DLGAP2: variants seen among roughly 807,000 people sequenced by gnomAD.
DLGAP2 encodes the protein DLG associated protein 2.
DLGAP2 carries 26 observed loss-of-function variants against 100.3 expected under a neutral mutation model. That is an observed-to-expected ratio of 0.26 (90% CI 0.19 to 0.36). The LOEUF is 0.36. Among genes scored for constraint, DLGAP2 ranks in the 10% least tolerant of loss-of-function variants. The pLI, the probability that DLGAP2 is intolerant of heterozygous loss-of-function variation, is 1.00. For synonymous variants in DLGAP2, 886 were observed against 630.1 expected (o/e 1.41, Z -6.08); for missense variants, 1,858 against 1,453.2 (o/e 1.28, Z -4.53).
At chr8:1,496,667 GC>G (rs1468742686) in intron 3 of DLGAP2, among the ~76,000 whole-genome samples, 2 of 152,178 alleles carry the variant, frequency 1.3e-5, no homozygotes, top group African/African-American at 4.8e-5. Flanking sequence ...ACCCCTCTGG[GC>G]CACAGGGGAG....
In DLGAP2 at chr8:1,470,492, C is replaced by T. The variant is rs187346237; in HGVS notation, c.107-30874C>T. On this transcript the variant is annotated intron_variant, in intron 3 of 14. Transcript: ENST00000637795. ...CCCGCCACCTGCTCTCTTCTGAATACTTTCACAGAATCGTTTAAATACAAC... is the reference window on the plus strand; with the variant it reads ...CCCGCCACCTGCTCTCTTCTGAATATTTTCACAGAATCGTTTAAATACAAC... Among the ~76,000 whole-genome samples, 139 of 152,276 alleles carry T rather than the reference C, an allele frequency of 9.1e-4. 1 individual carries two copies. Among genetic ancestry groups the T allele is most frequent in the African/African-American group, 3.2e-3 (131 of 41,544 alleles).
At chr8:1,519,641 A>C (rs1800518744) in intron 4 of DLGAP2, among the ~76,000 whole-genome samples, 1 of 152,174 alleles carries the variant, frequency 6.6e-6, no homozygotes, top group African/African-American at 2.4e-5. Context: ...CCTCTTGCCT[A>C]AACTAGATTA....
chr8:1,103,459 T>G (rs1804654467), intron 2 of DLGAP2, among the ~76,000 whole-genome samples: 1 of 148,024 alleles, frequency 6.8e-6, no homozygotes, highest in Non-Finnish European at 1.5e-5. Flanking sequence ...TGGCGGGGCC[T>G]TGGTTAACGT....
intron 1 of DLGAP2, among the ~76,000 whole-genome samples, chr8:882,072 A>G (rs1797811016): frequency 6.6e-6 from 1 of 152,182 alleles, no homozygotes; most frequent in African/African-American, 2.4e-5. Context: ...GTCACATGAT[A>G]TCACCCAGTC....
At chr8:1,212,744 C>CCT (rs67758517) in intron 2 of DLGAP2, among the ~76,000 whole-genome samples, 92 of 142,004 alleles carry the variant, frequency 6.5e-4, no homozygotes, top group Non-Finnish European at 1.1e-3. Flanking sequence ...TTTGCCAAGA[C>CCT]CTCTCTCTCT....
intron 3 of DLGAP2, among the ~76,000 whole-genome samples, chr8:1,406,950 C>A (rs1449509782): frequency 5.8e-5 from 2 of 34,472 alleles, no homozygotes; most frequent in Non-Finnish European, 9.8e-5. Context: ...GCTTACTGAG[C>A]GCCACCTCCT....
intron 1 of DLGAP2, among the ~76,000 whole-genome samples, chr8:840,685 C>A (rs1454051574): frequency 6.8e-6 from 1 of 146,998 alleles, no homozygotes; most frequent in African/African-American, 2.5e-5. Flanking sequence ...ACGGTGCACA[C>A]CTGTATGTCT....
At chr8:1,537,720 TGAAAGGATGGAA>T (rs1217784781) in intron 4 of DLGAP2, among the ~76,000 whole-genome samples, 21 of 132,546 alleles carry the variant, frequency 1.6e-4, no homozygotes, top group African/African-American at 4.7e-4. Context: ...GATGGATGGA[TGAAAGGATGGAA>T]GGAAGGAAGG....
chr8:1,075,136 G>A (rs1375782169), intron 2 of DLGAP2, among the ~76,000 whole-genome samples: 2 of 152,228 alleles, frequency 1.3e-5, no homozygotes, highest in Non-Finnish European at 2.9e-5. Context: ...ACTCAATGGA[G>A]TTCACCACTT....
rs545390328 is a variant in DLGAP2, at chr8:1,301,612, C to G, written c.106+42729C>G. 5 of 152,360 alleles carry G rather than the reference C, an allele frequency of 3.3e-5. No individual in the cohort carries two copies. The East Asian group carries it at 9.7e-4, about 29-fold the overall frequency. 9.4% of individuals were successfully genotyped at this position (152,360 alleles called of 1,614,324 possible). On this transcript the variant is annotated intron_variant, in intron 3 of 14. Coordinates refer to ENST00000637795, the MANE Select transcript of DLGAP2 (RefSeq NM_001346810.2). ...TGCATGGGCGTCCCTGCCTGATGGACTCTGGGAGAGGGTAGAGGATAAGGA... is the reference window on the plus strand; with the variant it reads ...TGCATGGGCGTCCCTGCCTGATGGAGTCTGGGAGAGGGTAGAGGATAAGGA...
intron 8 of DLGAP2, among the ~76,000 whole-genome samples, chr8:1,662,586 T>G (rs1053605725): frequency 1.3e-5 from 2 of 152,254 alleles, no homozygotes; most frequent in African/African-American, 2.4e-5. Flanking sequence ...GAGAAGCATC[T>G]GAATCTCAGT....
chr8:1,154,759 G>A (rs888583218), intron 2 of DLGAP2, among the ~76,000 whole-genome samples: 6 of 152,074 alleles, frequency 3.9e-5, no homozygotes, highest in East Asian at 3.9e-4. Flanking sequence ...TACTGTGGCC[G>A]GGCACCCTCT....
intron 5 of DLGAP2, among the ~76,000 whole-genome samples, chr8:1,556,179 G>A (rs116049105): frequency 0.012 from 1,794 of 152,316 alleles, 34 homozygotes; most frequent in African/African-American, 0.041. Context: ...GCCACCGAGT[G>A]GTCACCTTGT....
intron 3 of DLGAP2, among the ~76,000 whole-genome samples, chr8:1,381,685 G>A (rs1178463882): frequency 1.3e-5 from 2 of 152,130 alleles, no homozygotes; most frequent in Non-Finnish European, 2.9e-5. Flanking sequence ...TTGCCTTTCT[G>A]TGCCTGGCCT....
chr8:1,681,904 G>C (rs1023236915), intron 12 of DLGAP2, among the ~76,000 whole-genome samples: 1 of 147,960 alleles, frequency 6.8e-6, no homozygotes, highest in African/African-American at 2.7e-5. Flanking sequence ...GCAGTGATCT[G>C]GGACTGGGAG....
chr8:759,302 C>T (rs904702336), intron 1 of DLGAP2, among the ~76,000 whole-genome samples: 10 of 151,788 alleles, frequency 6.6e-5, no homozygotes, highest in Admixed American at 2.6e-4. Context: ...CCCCCACAGC[C>T]TCCCCATTAT....
At chr8:1,586,628 C>T (rs558338558) in intron 6 of DLGAP2, among the ~76,000 whole-genome samples, 66 of 152,308 alleles carry the variant, frequency 4.3e-4, no homozygotes, top group African/African-American at 1.3e-3. Context: ...GTGGCACCAG[C>T]GTGGAAGGCC....
chr8:835,242 A>G (rs2132707372), intron 1 of DLGAP2, among the ~76,000 whole-genome samples: 1 of 152,202 alleles, frequency 6.6e-6, no homozygotes, highest in Non-Finnish European at 1.5e-5. Context: ...CATTTAAAAC[A>G]TTTACTTTTA....
intron 1 of DLGAP2, among the ~76,000 whole-genome samples, chr8:806,994 G>A (rs993489301): frequency 2.6e-5 from 4 of 152,302 alleles, no homozygotes; most frequent in East Asian, 1.9e-4. Flanking sequence ...ACACAAGCAC[G>A]TGCTTTCACC....
Sources: allele counts gnomAD v4.1 joint callset (sites outside exome capture counted in the v4.1 genomes callset), GRCh38; gene constraint gnomAD v4.1.1; transcripts MANE v1.5; gene names NCBI Gene and HGNC (gene_info 2026-07-23, HGNC 2026-07-21).